The following PSG5 variants were observed in gnomAD, a reference collection of about 807,000 sequenced individuals.
PSG5 encodes pregnancy-specific beta-1-glycoprotein 5.
A neutral mutation model predicts 37.7 loss-of-function variants in PSG5; 53 were observed. The observed-to-expected ratio is 1.41, with a 90% CI of 1.13 to 1.77. The LOEUF (loss-of-function observed/expected upper bound fraction) is 1.77. Among genes scored for constraint, PSG5 ranks in the 40% most tolerant of loss-of-function variants. The pLI is 0.00. For synonymous variants in PSG5, 221 were observed against 155.4 expected (o/e 1.42, Z -3.14); for missense variants, 547 against 405.2 (o/e 1.35, Z -3.00).
In PSG5 at chr19:43,168,064, C is replaced by G. The variant is rs1968824370; in HGVS notation, c.*180G>C. 2.3e-6 allele frequency: 1 copy of G among 425,676 alleles called. No individual in the cohort carries two copies. Among genetic ancestry groups the G allele is most frequent in the Admixed American group, 4.4e-5 (1 of 22,760 alleles). 26.4% of individuals were successfully genotyped at this position (425,676 alleles called of 1,614,324 possible). ...ATTAAAATTTTGAAAGTTCTTAGTC[C>G]AGTGGTATGATCTTGAAGTTATCAG... On this transcript the variant is annotated 3_prime_UTR_variant, in exon 6 of 6. Coordinates refer to ENST00000342951, the MANE Select transcript of PSG5 (RefSeq NM_002781.4).
At chr19:43,185,239 C>T in intron 1 of PSG5, 92 bp from the exon 2 acceptor site, 2 of 1,426,936 alleles carry the variant, frequency 1.4e-6, no homozygotes, top group South Asian at 2.7e-5. Context: ...CTCTTCAATC[C>T]TCAGCCTTGA....
rs184859705 is a variant in PSG5 at position 43,176,542 on chromosome 19, T to G, written c.431-394A>C. 3.4e-4 allele frequency among the ~76,000 whole-genome samples: 51 copies of G among 151,662 alleles called. 1 individual carries two copies. The highest frequency in any genetic ancestry group is 9.2e-4 in the African/African-American group (38 of 41,234). ...AATTCCATCCTACTTTGTCCCCCTA[T>G]ATGTGATTTCTCTGCAGCTCCCATT... On this transcript the variant is annotated intron_variant, in intron 2 of 5. Transcript: ENST00000342951.
In PSG5 at chr19:43,186,091, C is replaced by T. The variant is rs1966933257; in HGVS notation, c.64+251G>A. ...TCCCGGGTTCATGTGATTTTCCTGCCTCAGCCTCCAGAGTAGCTAGGATTC... is the reference window on the plus strand; with the variant it reads ...TCCCGGGTTCATGTGATTTTCCTGCTTCAGCCTCCAGAGTAGCTAGGATTC... On this transcript the variant is annotated intron_variant, in intron 1 of 5. Coordinates refer to ENST00000342951, the MANE Select transcript of PSG5 (RefSeq NM_002781.4). Among the ~76,000 whole-genome samples the T allele has an allele frequency of 2.0e-5, 3 of 151,260 alleles. No individual in the cohort carries two copies. The East Asian group carries it at 5.8e-4, about 29-fold the overall frequency.
intron 2 of PSG5, among the ~76,000 whole-genome samples, chr19:43,181,386 C>T (rs1166819539): frequency 2.0e-5 from 3 of 151,752 alleles, no homozygotes; most frequent in South Asian, 2.1e-4. Flanking sequence ...ATTGACACAT[C>T]CTCAAGCCAG....
In PSG5 at chr19:43,185,083, G is replaced by T. The variant is rs766225662; in HGVS notation, c.129C>A (p.Pro43=). The T allele has an allele frequency of 1.1e-5, 18 of 1,612,008 alleles. No individual in the cohort carries two copies. The South Asian group carries it at 1.8e-4, about 16-fold the overall frequency. The change falls in exon 2 of 6, where the codon CCC becomes CCA. Residue 43 remains proline, a synonymous_variant. Coordinates refer to ENST00000342951, the MANE Select transcript of PSG5 (RefSeq NM_002781.4). ...GAACATCCTTCCCCTCGGAAACTTT[G>T]GGTGGCAGGGCTTCAATCGTGACTT... ...TAQVTIEALP[P]KVSEGKDVLL...
rs1464093450 is a variant in PSG5, at chr19:43,185,034, G to A, written c.178C>T (p.Gln60Ter). The A allele has an allele frequency of 4.3e-6, 7 of 1,612,554 alleles. No individual in the cohort carries two copies. The African/African-American group carries it at 8.0e-5, about 19-fold the overall frequency. Residue 60 changes from glutamine (Q) to a stop codon, truncating the protein, a stop_gained, in exon 2 of 6, where the codon CAG (glutamine) becomes TAG (stop). Transcript: ENST00000342951. LOFTEE classifies it high-confidence loss of function. ...TACCAGATGTAGCCAGCAAGATTCT[G>A]AGGCAAATTGTGGACAAGTAGAAGA... ...DVLLLVHNLP[Q>*]NLAGYIWYKG...
rs914814143 is a variant in PSG5, at chr19:43,181,122, T to A, written c.430+3660A>T. Among the ~76,000 whole-genome samples the A allele has an allele frequency of 3.0e-4, 46 of 151,600 alleles. 3 individuals carry two copies. The highest frequency in any genetic ancestry group is 2.2e-4 in the Non-Finnish European group (15 of 67,924). On this transcript the variant is annotated intron_variant, in intron 2 of 5. Coordinates refer to ENST00000342951, the MANE Select transcript of PSG5 (RefSeq NM_002781.4). ...ACTCCAACTTATGAAAATGGCATCA[T>A]CATGAGGAAACAGTTTTATGTGGCA...
chr19:43,171,997 AAG>A (rs1491297212), intron 4 of PSG5, among the ~76,000 whole-genome samples: 15 of 149,918 alleles, frequency 1.0e-4, no homozygotes, highest in African/African-American at 3.7e-4. Flanking sequence ...AAAAAAAAAA[AAG>A]AAAAAGAAAG....
rs1396231199 is a variant in PSG5 at position 43,175,215 on chromosome 19, C to G, written c.964G>C (p.Ala322Pro). 2 of 1,612,638 alleles carry G rather than the reference C, an allele frequency of 1.2e-6. No individual in the cohort carries two copies. Among genetic ancestry groups the G allele is most frequent in the East Asian group, 2.2e-5 (1 of 44,864 alleles). Residue 322 changes from alanine to proline, a missense_variant and splice_region_variant, in exon 4 of 6, where the codon GCT becomes CCT. Coordinates refer to ENST00000342951, the MANE Select transcript of PSG5 (RefSeq NM_002781.4). ...SSKSMTVEVSAPSGIGRLPLL... is the reference protein window; with the variant it reads ...SSKSMTVEVSPPSGIGRLPLL... ...GCCAAGGATGCTGGGATCCACTTACCAGAGACTTCGACTGTCATGGATTTG... is the reference window on the plus strand; with the variant it reads ...GCCAAGGATGCTGGGATCCACTTACGAGAGACTTCGACTGTCATGGATTTG...
chr19:43,179,161 T>C (rs544982889), intron 2 of PSG5: 17 of 1,585,786 alleles, frequency 1.1e-5, no homozygotes, highest in African/African-American at 2.7e-5. Flanking sequence ...GTTTCCACTT[T>C]GCAGAAAACA....
At chr19:43,169,695 C>A (rs2355429) in intron 5 of PSG5, among the ~76,000 whole-genome samples, 4 of 151,592 alleles carry the variant, frequency 2.6e-5, no homozygotes, top group South Asian at 4.2e-4. Flanking sequence ...CAAAGTCTGG[C>A]CACAAGAAGT....
At chr19:43,170,501 C>T (rs1968883283) in intron 4 of PSG5, 1 of 449,884 alleles carries the variant, frequency 2.2e-6, no homozygotes, top group African/African-American at 2.1e-5. Flanking sequence ...ATGAATGAGA[C>T]TCTGTCAGGT....
At chr19:43,177,508 T>A (rs534376392) in intron 2 of PSG5, among the ~76,000 whole-genome samples, 1 of 133,990 alleles carries the variant, frequency 7.5e-6, no homozygotes, top group Non-Finnish European at 1.6e-5. Flanking sequence ...ATTCCTGCCC[T>A]TTTTTTTTTT....
Position 43,176,140 on chromosome 19 carries a change from G to A in PSG5, c.439C>T (p.Pro147Ser), listed in dbSNP as rs756067836. 15 of 1,611,280 alleles carry A rather than the reference G, an allele frequency of 9.3e-6. No individual in the cohort carries two copies. The highest frequency in any genetic ancestry group is 5.0e-5 in the Admixed American group (3 of 59,888). The change falls in exon 3 of 6, where the codon CCC becomes TCC. Residue 147 changes from proline to serine, a missense_variant. By Grantham distance (74) the Pro-to-Ser change is moderately conservative. Transcript: ENST00000342951. ...TTGTTGATGGTGATGTAGGGCTTGG[G>A]CAGCTTCACTGTGTGGATAACAGAG... is the stretch of plus-strand genomic sequence containing the variant. ...YFTFNLYLKL[P>S]KPYITINNSK...
chr19:43,178,406 C>T (rs943284222), intron 2 of PSG5, among the ~76,000 whole-genome samples: 2 of 151,730 alleles, frequency 1.3e-5, no homozygotes, highest in Non-Finnish European at 2.9e-5. Context: ...GTCTGTGAGG[C>T]AGGAGAGATT....
At chr19:43,178,469 T>C (rs569043898) in intron 2 of PSG5, among the ~76,000 whole-genome samples, 1 of 151,774 alleles carries the variant, frequency 6.6e-6, no homozygotes, top group East Asian at 1.9e-4. Context: ...GGTGGGGGCA[T>C]CCAGGCCATC....
intron 2 of PSG5, among the ~76,000 whole-genome samples, chr19:43,179,771 C>G (rs1319016884): frequency 2.6e-5 from 4 of 151,652 alleles, no homozygotes; most frequent in Admixed American, 1.3e-4. Context: ...CTCATAGTGA[C>G]TGACTTGAGC....
intron 4 of PSG5, chr19:43,170,913 C>T (rs56195628): frequency 0.046 from 6,971 of 151,428 alleles, 342 homozygotes; most frequent in Non-Finnish European, 0.063. Context: ...TGATTCTTTG[C>T]ACTTAGCTTT....
intron 2 of PSG5, chr19:43,183,214 A>G: frequency 3.1e-6 from 1 of 326,720 alleles, no homozygotes; most frequent in South Asian, 2.4e-5. Flanking sequence ...AGCCCTGAGA[A>G]TCCTCTGGTG....
Sources: gnomAD v4.1 joint callset for allele counts (sites outside exome capture counted in the v4.1 genomes callset) on GRCh38, gnomAD v4.1.1 for gene constraint, MANE v1.5 for transcripts, NCBI Gene and HGNC (gene_info 2026-07-23, HGNC 2026-07-21) for gene names.